The following POC1B variants were observed in gnomAD, a reference collection of about 807,000 sequenced individuals.
POC1B encodes the protein POC1 centriolar protein homolog B.
Under a neutral mutation model 60.6 loss-of-function variants are expected in POC1B, and 44 were observed. The observed-to-expected ratio is 0.73, with a 90% confidence interval of 0.57 to 0.93. The LOEUF (loss-of-function observed/expected upper bound fraction) is 0.93, where lower values mean the gene tolerates loss of function less well. Ranked by LOEUF, POC1B falls within the 40% of genes least tolerant of loss-of-function variation. POC1B has a pLI of 0.00. For missense variants in POC1B, 555 were observed against 572.3 expected (o/e 0.97, Z 0.31); for synonymous variants, 180 against 198.9 (o/e 0.90, Z 0.80).
chr12:89,524,040 G>A (rs746021030), intron 2 of POC1B: 10 of 1,613,458 alleles, frequency 6.2e-6, no homozygotes, highest in Non-Finnish European at 8.5e-6. Flanking sequence ...CCACCAAGAT[G>A]ATCTCTTTCA....
chr12:89,441,301 C>T (rs978350524), intron 10 of POC1B, among the ~76,000 whole-genome samples: 1 of 152,206 alleles, frequency 6.6e-6, no homozygotes, highest in Non-Finnish European at 1.5e-5. Context: ...GATCTGAGAA[C>T]AGACAGATTG....
At chr12:89,435,176 AT>A (rs894944617) in intron 10 of POC1B, among the ~76,000 whole-genome samples, 1 of 132,190 alleles carries the variant, frequency 7.6e-6, no homozygotes, top group Non-Finnish European at 1.6e-5. Flanking sequence ...GAAGAATGAC[AT>A]TCTTTTTTTT....
the POC1B span, among the ~76,000 whole-genome samples, chr12:89,406,176 A>T: frequency 0.049 from 7,447 of 152,190 alleles, 260 homozygotes; most frequent in Middle Eastern, 0.11. Context: ...CAGGGAAGTG[A>T]GTGTCTGGCA....
chr12:89,490,955 C>T (rs1394795842), intron 4 of POC1B, among the ~76,000 whole-genome samples: 1 of 152,082 alleles, frequency 6.6e-6, no homozygotes, highest in Non-Finnish European at 1.5e-5. Flanking sequence ...CAAGGTCTCC[C>T]TGCTTCTGGC....
At chr12:89,464,934 A>T (rs199542916) in intron 9 of POC1B, among the ~76,000 whole-genome samples, 2 of 152,130 alleles carry the variant, frequency 1.3e-5, no homozygotes, top group East Asian at 3.9e-4. Flanking sequence ...TACTTAATTT[A>T]AGCAGCCATG....
Position 89,497,286 on chromosome 12 carries a change from C to T in POC1B, c.157G>A (p.Ala53Thr). ...MLWNFKPHAR[A>T]YRYVGHKDVV... ...TCCTTGTGACCCACATATCTGTAAG[C>T]TCTAGCATGTGGCTTGAAATTCCAT... is the stretch of plus-strand genomic sequence containing the variant. The change falls in exon 3 of 12, where the codon GCT becomes ACT. Residue 53 changes from alanine to threonine, a missense_variant. Ala to Thr is a moderately conservative substitution (Grantham distance 58). Transcript: ENST00000313546. 2 of 1,613,164 alleles carry T rather than the reference C, an allele frequency of 1.2e-6. No individual in the cohort carries two copies. Among genetic ancestry groups the T allele is most frequent in the Non-Finnish European group, 1.7e-6 (2 of 1,179,956 alleles).
intron 2 of POC1B, among the ~76,000 whole-genome samples, chr12:89,509,281 A>T (rs928710947): frequency 6.6e-6 from 1 of 152,218 alleles, no homozygotes; most frequent in Non-Finnish European, 1.5e-5. Flanking sequence ...TGACTCTCAA[A>T]TTGTTCCAGA....
At chr12:89,408,609 C>A in the POC1B span, among the ~76,000 whole-genome samples, 29 of 152,096 alleles carry the variant, frequency 1.9e-4, no homozygotes, top group Admixed American at 6.5e-5. Flanking sequence ...CCTCAGCCTC[C>A]CAAGTAGCTG....
chr12:89,483,002 C>T (rs1183690836), intron 4 of POC1B, among the ~76,000 whole-genome samples: 1 of 151,928 alleles, frequency 6.6e-6, no homozygotes, highest in Admixed American at 6.6e-5. Context: ...CAACCTCCAC[C>T]TCCCAGGTTC....
chr12:89,492,206 G>T (rs1869017557), intron 3 of POC1B, 91 bp from the exon 4 acceptor site: 1 of 1,069,182 alleles, frequency 9.4e-7, no homozygotes, highest in Non-Finnish European at 1.3e-6. Context: ...ATATAAAATA[G>T]TTTAAATAAA....
intron 4 of POC1B, among the ~76,000 whole-genome samples, chr12:89,483,973 C>T (rs1868492700): frequency 6.6e-6 from 1 of 152,164 alleles, no homozygotes; most frequent in Non-Finnish European, 1.5e-5. Context: ...ATATTGTGAG[C>T]TTACGCCATA....
intron 2 of POC1B, among the ~76,000 whole-genome samples, chr12:89,503,724 G>A (rs1431976711): frequency 6.6e-6 from 1 of 150,984 alleles, no homozygotes; most frequent in Non-Finnish European, 1.5e-5. Flanking sequence ...GTCTCTGCCC[G>A]GCCGCCCCGT....
intron 2 of POC1B, among the ~76,000 whole-genome samples, chr12:89,514,798 C>T (rs150729753): frequency 2.0e-5 from 3 of 152,144 alleles, no homozygotes; most frequent in Admixed American, 6.5e-5. Flanking sequence ...GCTTCAGGTC[C>T]TGCTTCCTCT....
chr12:89,525,550 A>ATT (rs1871390568), intron 1 of POC1B: 3 of 1,247,502 alleles, frequency 2.4e-6, no homozygotes, highest in Non-Finnish European at 3.0e-6. Context: ...CGGCTTTGGT[A>ATT]CTTTTTTTTT....
intron 3 of POC1B, among the ~76,000 whole-genome samples, chr12:89,493,114 G>A (rs1269934450): frequency 6.6e-6 from 1 of 152,168 alleles, no homozygotes; most frequent in African/African-American, 2.4e-5. Context: ...AACAGTCACA[G>A]CCCTTCAAAC....
chr12:89,442,469 G>T (rs1456293311), intron 10 of POC1B, among the ~76,000 whole-genome samples: 2 of 152,178 alleles, frequency 1.3e-5, no homozygotes, highest in African/African-American at 2.4e-5. Flanking sequence ...TTAAAGAAAA[G>T]AATTTTCAAC....
At chr12:89,474,758 A>G (rs143213565) in intron 4 of POC1B, among the ~76,000 whole-genome samples, 25 of 152,352 alleles carry the variant, frequency 1.6e-4, no homozygotes, top group Admixed American at 6.5e-4. Context: ...CAAATTACTT[A>G]GAGCACTGGA....
At chr12:89,487,220 G>A (rs893472962) in intron 4 of POC1B, among the ~76,000 whole-genome samples, 5 of 152,210 alleles carry the variant, frequency 3.3e-5, no homozygotes, top group East Asian at 1.9e-4. Flanking sequence ...CTGACTGTCC[G>A]CTCTGGAACT....
At chr12:89,414,714 C>T in the POC1B span, among the ~76,000 whole-genome samples, 2 of 152,180 alleles carry the variant, frequency 1.3e-5, no homozygotes, top group Admixed American at 1.3e-4. Context: ...TAAATTTGCT[C>T]ATAGATTGAT....
Sources: gnomAD v4.1 joint callset for allele counts (sites outside exome capture counted in the v4.1 genomes callset) on GRCh38, gnomAD v4.1.1 for gene constraint, MANE v1.5 for transcripts, NCBI Gene and HGNC (gene_info 2026-07-23, HGNC 2026-07-21) for gene names.